The following FCHSD2 variants were observed in gnomAD, a reference collection of about 807,000 sequenced individuals.
FCHSD2 encodes the protein FCH and double SH3 domains 2.
In FCHSD2, 38 loss-of-function variants were observed where a neutral mutation model predicts 108.1. That is an observed-to-expected ratio of 0.35 (90% CI 0.27 to 0.46). FCHSD2 has a LOEUF of 0.46. Ranked by LOEUF, FCHSD2 falls within the 20% of genes least tolerant of loss-of-function variation. The pLI is 1.00. For synonymous variants in FCHSD2, 279 were observed against 314.7 expected, an observed-to-expected ratio of 0.89 and a Z score of 1.20; for missense variants, 751 against 897.8, an observed-to-expected ratio of 0.84 and a Z score of 2.09.
chr11:73,014,348 T>G (rs1857925721), intron 4 of FCHSD2, among the ~76,000 whole-genome samples: 1 of 151,992 alleles, frequency 6.6e-6, no homozygotes, highest in Non-Finnish European at 1.5e-5. Context: ...AGTCTAGTCT[T>G]GAACTACTTG....
rs878963184 is a variant in FCHSD2, at chr11:72,837,476, AAAAC to A, written c.*1311_*1314del. On this transcript the variant is annotated 3_prime_UTR_variant, in exon 20 of 20. Transcript: ENST00000409418. ...ATTTCTTAACCAAGGAAAAAAAAAA[AAAAC>A]AAACCACAACCGGCGAACATCCCTT... is the stretch of plus-strand genomic sequence containing the variant. 6.6e-5 allele frequency: 10 copies of A among 152,148 alleles called. No homozygotes were observed. The highest frequency in any genetic ancestry group is 6.2e-4 in the South Asian group (3 of 4,830). The allele number at this position is 152,148 out of a possible 1,614,324, so 9.4% of individuals were successfully genotyped here. A position where few individuals can be genotyped will look rare whatever the true frequency, so the allele number is the denominator to read the frequency against.
At chr11:72,887,189 G>A (rs79504019) in intron 12 of FCHSD2, among the ~76,000 whole-genome samples, 1,927 of 151,452 alleles carry the variant, frequency 0.013, 41 homozygotes, top group African/African-American at 0.043. Context: ...AATCTCTGTG[G>A]TTTATTATGT....
intron 9 of FCHSD2, among the ~76,000 whole-genome samples, chr11:72,904,743 G>A (rs1024609001): frequency 1.3e-5 from 2 of 152,128 alleles, no homozygotes; most frequent in Admixed American, 6.5e-5. Context: ...AGCCCCCACA[G>A]TGCAATTGCA....
At chr11:73,099,507 C>T (rs1019510801) in intron 2 of FCHSD2, among the ~76,000 whole-genome samples, 7 of 152,130 alleles carry the variant, frequency 4.6e-5, no homozygotes, top group Non-Finnish European at 8.8e-5. Flanking sequence ...TTCATAACAG[C>T]ATTACTCATA....
At chr11:73,046,098 C>T (rs1396010147) in intron 3 of FCHSD2, among the ~76,000 whole-genome samples, 1 of 150,972 alleles carries the variant, frequency 6.6e-6, no homozygotes, top group African/African-American at 2.4e-5. Flanking sequence ...TCAAGGGATA[C>T]TGTGGCCTCA....
intron 3 of FCHSD2, among the ~76,000 whole-genome samples, chr11:73,056,104 C>G (rs1859018441): frequency 6.6e-6 from 1 of 152,178 alleles, no homozygotes; most frequent in Admixed American, 6.5e-5. Context: ...TAAATGCTTA[C>G]TATCTTTGAC....
At chr11:73,042,582 A>G (rs1858667256) in intron 3 of FCHSD2, among the ~76,000 whole-genome samples, 1 of 151,988 alleles carries the variant, frequency 6.6e-6, no homozygotes. Flanking sequence ...TGTTTTTTCT[A>G]TTTCTATGAA....
At chr11:73,053,598 C>T (rs963739235) in intron 3 of FCHSD2, among the ~76,000 whole-genome samples, 1 of 152,226 alleles carries the variant, frequency 6.6e-6, no homozygotes, top group South Asian at 2.1e-4. Flanking sequence ...GTAGTACTGT[C>T]GTCAATCCAA....
chr11:73,041,525 T>A (rs1472271252), intron 3 of FCHSD2, among the ~76,000 whole-genome samples: 1 of 152,214 alleles, frequency 6.6e-6, no homozygotes, highest in Non-Finnish European at 1.5e-5. Flanking sequence ...CATGTATATG[T>A]CTTTTTTTGA....
At chr11:73,139,356 T>G (rs1441580178) in intron 2 of FCHSD2, among the ~76,000 whole-genome samples, 1 of 152,236 alleles carries the variant, frequency 6.6e-6, no homozygotes, top group Non-Finnish European at 1.5e-5. Context: ...CTTCCATTCT[T>G]GACGAAAATC....
At chr11:72,994,638 C>T (rs1180814858) in intron 5 of FCHSD2, among the ~76,000 whole-genome samples, 3 of 151,664 alleles carry the variant, frequency 2.0e-5, no homozygotes, top group African/African-American at 4.8e-5. Context: ...TGGTGGTGGG[C>T]GCCTGTAGTC....
chr11:72,847,963 A>T (rs978932545), intron 14 of FCHSD2, among the ~76,000 whole-genome samples: 5 of 152,172 alleles, frequency 3.3e-5, no homozygotes, highest in African/African-American at 1.2e-4. Context: ...AAATGTTGGG[A>T]TTACAGGCGT....
intron 2 of FCHSD2, among the ~76,000 whole-genome samples, chr11:73,118,878 C>T (rs1303405667): frequency 6.6e-6 from 1 of 152,098 alleles, no homozygotes; most frequent in East Asian, 1.9e-4. Flanking sequence ...AGGGGAAAAC[C>T]ACATTTGGTT....
chr11:73,063,754 C>A (rs889334553), intron 3 of FCHSD2, among the ~76,000 whole-genome samples: 1 of 152,076 alleles, frequency 6.6e-6, no homozygotes, highest in South Asian at 2.1e-4. Flanking sequence ...CCTAAATATA[C>A]ATGCACCCAA....
chr11:72,990,549 A>C (rs1171239919), intron 5 of FCHSD2, among the ~76,000 whole-genome samples: 2 of 152,160 alleles, frequency 1.3e-5, no homozygotes, highest in Admixed American at 6.5e-5. Flanking sequence ...AGGATTAAGA[A>C]ACTCACTCAA....
chr11:72,866,762 A>G (rs2135201568), intron 13 of FCHSD2, among the ~76,000 whole-genome samples: 1 of 152,378 alleles, frequency 6.6e-6, no homozygotes, highest in African/African-American at 2.4e-5. Context: ...TCTCATTAGA[A>G]AATTAGAATG....
At chr11:73,129,320 G>C (rs1310621988) in intron 2 of FCHSD2, among the ~76,000 whole-genome samples, 1 of 152,178 alleles carries the variant, frequency 6.6e-6, no homozygotes, top group African/African-American at 2.4e-5. Flanking sequence ...ACGGTCTGTG[G>C]CCTGTTAGGA....
chr11:72,899,192 A>C (rs1855479043), intron 10 of FCHSD2, among the ~76,000 whole-genome samples: 1 of 152,206 alleles, frequency 6.6e-6, no homozygotes, highest in Non-Finnish European at 1.5e-5. Flanking sequence ...AATGAATGTC[A>C]CCTATTATTT....
chr11:73,021,914 T>C (rs1858118412), intron 3 of FCHSD2, among the ~76,000 whole-genome samples: 1 of 151,418 alleles, frequency 6.6e-6, no homozygotes, highest in Non-Finnish European at 1.5e-5. Flanking sequence ...CTGTAAATAA[T>C]AAAAAAAATT....
Sources: gnomAD v4.1 joint callset for allele counts (sites outside exome capture counted in the v4.1 genomes callset) on GRCh38, gnomAD v4.1.1 for gene constraint, MANE v1.5 for transcripts, NCBI Gene and HGNC (gene_info 2026-07-23, HGNC 2026-07-21) for gene names.